Variants in SLC8A1 observed in about 807,000 individuals in gnomAD.
SLC8A1 encodes solute carrier family 8 member A1.
A neutral mutation model predicts 68.3 loss-of-function variants in SLC8A1; 18 were observed. The ratio of observed to expected loss-of-function variants is 0.26; its 90% CI spans 0.18 to 0.39. The LOEUF (loss-of-function observed/expected upper bound fraction) is 0.39. SLC8A1 is among the 10% of genes least tolerant of loss of function. The pLI, the probability that SLC8A1 is intolerant of heterozygous loss-of-function variation, is 1.00. For synonymous variants in SLC8A1, 475 were observed against 415.5 expected (o/e 1.14, Z -1.74); for missense variants, 985 against 1,156.7 (o/e 0.85, Z 2.15).
intron 2 of SLC8A1, among the ~76,000 whole-genome samples, chr2:40,227,450 G>T (rs146611945): frequency 1.4e-3 from 206 of 152,106 alleles, no homozygotes; most frequent in African/African-American, 4.7e-3. Flanking sequence ...ATTATCCTTA[G>T]CAAACTGACA....
At position 40,384,754 on chromosome 2, in the gene SLC8A1, A is replaced by G. The variant is rs575339920; in HGVS notation, c.1808+43719T>C. Among the ~76,000 whole-genome samples, 7 of 152,234 alleles carry G rather than the reference A, an allele frequency of 4.6e-5. No individual in the cohort carries two copies. In the South Asian group the frequency reaches 8.3e-4, roughly 18 times the overall value. On this transcript the variant is annotated intron_variant, in intron 2 of 7. Coordinates refer to ENST00000406785, the Ensembl canonical transcript of SLC8A1. ...AAACCAAAAAATATTTAAAAACCTA[A>G]TTTCTCATTACTTTCACATTTGGGC...
chr2:40,195,123 T>A (rs886256206), intron 2 of SLC8A1, among the ~76,000 whole-genome samples: 1 of 152,094 alleles, frequency 6.6e-6, no homozygotes, highest in African/African-American at 2.4e-5. Flanking sequence ...TCATTTAGGA[T>A]GAACTGAAGT....
intron 3 of SLC8A1, among the ~76,000 whole-genome samples, chr2:40,177,393 G>A (rs537431318): frequency 1.9e-4 from 29 of 152,170 alleles, no homozygotes; most frequent in East Asian, 1.4e-3. Context: ...GTATTAAGTC[G>A]TCTTTATCAC....
intron 2 of SLC8A1, among the ~76,000 whole-genome samples, chr2:40,245,769 C>T (rs1222598273): frequency 6.6e-6 from 1 of 151,998 alleles, no homozygotes; most frequent in East Asian, 1.9e-4. Context: ...AAAACCAAGA[C>T]AGATATCTCA....
chr2:40,458,326 A>T (rs1454249100), intron 1 of SLC8A1, among the ~76,000 whole-genome samples: 1 of 152,114 alleles, frequency 6.6e-6, no homozygotes, highest in Non-Finnish European at 1.5e-5. Flanking sequence ...AGATTGGAGG[A>T]TATGATCTAG....
At chr2:40,200,244 ATATATAT>A (rs1558723286) in intron 2 of SLC8A1, among the ~76,000 whole-genome samples, 2 of 16,146 alleles carry the variant, frequency 1.2e-4, no homozygotes, top group Admixed American at 5.6e-4. Flanking sequence ...ATATAAATAT[ATATATAT>A]ATATATATAT....
chr2:40,203,559 A>C (rs1422272843), intron 2 of SLC8A1, among the ~76,000 whole-genome samples: 1 of 152,048 alleles, frequency 6.6e-6, no homozygotes, highest in South Asian at 2.1e-4. Flanking sequence ...AGAGAAATGC[A>C]AGAATAGCTT....
Position 40,397,525 on chromosome 2 carries a change from C to T in SLC8A1, c.1808+30948G>A, listed in dbSNP as rs535616320. Among the ~76,000 whole-genome samples the T allele has an allele frequency of 4.0e-4, 61 of 152,278 alleles. 1 individual carries two copies. The South Asian group carries it at 0.012, about 31-fold the overall frequency. Reference sequence around the variant, plus strand: ...CTGTCAACTGATTGTGGGTGTGAAACCATCTACGCACTTGAAAGTTTTCAT... The same window carrying T: ...CTGTCAACTGATTGTGGGTGTGAAATCATCTACGCACTTGAAAGTTTTCAT... On this transcript the variant is annotated intron_variant, in intron 2 of 7. Transcript: ENST00000406785.
chr2:40,232,236 A>T (rs2059745816), intron 2 of SLC8A1, among the ~76,000 whole-genome samples: 1 of 152,114 alleles, frequency 6.6e-6, no homozygotes, highest in Non-Finnish European at 1.5e-5. Context: ...TCAAACTCTT[A>T]ACTCTGGGCA....
rs114795101 is a variant in SLC8A1, at chr2:40,424,077, A to T, written c.1808+4396T>A. Among the ~76,000 whole-genome samples, 1,362 of 152,062 alleles carry T rather than the reference A, an allele frequency of 9.0e-3. 22 individuals are homozygous for T. Among genetic ancestry groups the T allele is most frequent in the African/African-American group, 0.031 (1,300 of 41,554 alleles). Reference sequence around the variant, plus strand: ...CGTATGCTTTAAAGGTAGCAGATAAAATTCTACTGCTATAAAGTAAAGCTT... The same window carrying T: ...CGTATGCTTTAAAGGTAGCAGATAATATTCTACTGCTATAAAGTAAAGCTT... On this transcript the variant is annotated intron_variant, in intron 2 of 7. Transcript: ENST00000406785.
intron 1 of SLC8A1, among the ~76,000 whole-genome samples, chr2:40,464,439 C>G (rs1703539137): frequency 6.6e-6 from 1 of 152,204 alleles, no homozygotes; most frequent in African/African-American, 2.4e-5. Context: ...CTACTGTGCA[C>G]TCTATTAGGA....
upstream of SLC8A1, among the ~76,000 whole-genome samples, chr2:40,454,483 T>G (rs1576602027): frequency 1.3e-5 from 2 of 149,866 alleles, no homozygotes; most frequent in East Asian, 3.9e-4. Flanking sequence ...CTTAAGACTT[T>G]TTTTTTTTTT....
At chr2:40,149,444 G>A (rs1372427115) in intron 6 of SLC8A1, among the ~76,000 whole-genome samples, 14 of 152,182 alleles carry the variant, frequency 9.2e-5, no homozygotes, top group East Asian at 3.9e-4. Context: ...CTGGGAGGCC[G>A]AGAAACCCCT....
At chr2:40,302,452 T>G (rs1355838724) in intron 2 of SLC8A1, among the ~76,000 whole-genome samples, 2 of 150,910 alleles carry the variant, frequency 1.3e-5, no homozygotes, top group Admixed American at 1.3e-4. Context: ...TGTGTGTGTG[T>G]GTGTGTGTGT....
intron 7 of SLC8A1, among the ~76,000 whole-genome samples, chr2:40,115,987 T>C (rs2035265653): frequency 6.6e-6 from 1 of 152,138 alleles, no homozygotes; most frequent in Non-Finnish European, 1.5e-5. Context: ...AAAGAGTGAG[T>C]ATTGCAAGGT....
At chr2:40,250,626 C>A (rs929057312) in intron 2 of SLC8A1, 2 of 152,034 alleles carry the variant, frequency 1.3e-5, no homozygotes, top group African/African-American at 4.8e-5. Context: ...ACTTATGGAA[C>A]ATAATTTGGT....
At chr2:40,237,338 A>G (rs546507932) in intron 2 of SLC8A1, among the ~76,000 whole-genome samples, 55 of 151,668 alleles carry the variant, frequency 3.6e-4, no homozygotes, top group African/African-American at 1.2e-3. Context: ...TTCCCTTCTC[A>G]CTTCATTTCA....
At chr2:40,469,814 C>T (rs960876619) in intron 1 of SLC8A1, among the ~76,000 whole-genome samples, 1 of 152,056 alleles carries the variant, frequency 6.6e-6, no homozygotes, top group African/African-American at 2.4e-5. Flanking sequence ...ATAATGTCTG[C>T]TTACACTCAG....
chr2:40,183,797 T>C (rs764881497), intron 2 of SLC8A1, among the ~76,000 whole-genome samples: 5 of 152,158 alleles, frequency 3.3e-5, no homozygotes, highest in Non-Finnish European at 7.4e-5. Context: ...AAACTAGAAA[T>C]ACCTAAACCC....
Sources: allele counts gnomAD v4.1 joint callset (sites outside exome capture counted in the v4.1 genomes callset), GRCh38; gene constraint gnomAD v4.1.1; transcripts MANE v1.5; gene names NCBI Gene and HGNC (gene_info 2026-07-23, HGNC 2026-07-21).